Variants in SLC24A2 observed in about 807,000 individuals in gnomAD.
SLC24A2 encodes sodium/potassium/calcium exchanger 2.
In SLC24A2, 36 loss-of-function variants were observed where a neutral mutation model predicts 62.0. The observed-to-expected ratio is 0.58, with a 90% confidence interval of 0.44 to 0.77. The LOEUF (loss-of-function observed/expected upper bound fraction) is 0.77, where lower values mean the gene tolerates loss of function less well. Ranked by LOEUF, SLC24A2 falls within the 30% of genes least tolerant of loss-of-function variation. SLC24A2 has a pLI of 0.00. For missense variants in SLC24A2, 846 were observed against 817.9 expected, an observed-to-expected ratio of 1.03 and a Z score of -0.42; for synonymous variants, 358 against 294.0, an observed-to-expected ratio of 1.22 and a Z score of -2.23.
the SLC24A2 span, among the ~76,000 whole-genome samples, chr9:20,133,701 A>G: frequency 6.6e-6 from 1 of 152,170 alleles, no homozygotes; most frequent in South Asian, 2.1e-4. Context: ...AAGTTACTCA[A>G]CATCACTTAC....
chr9:19,610,796 G>A (rs894473935), intron 4 of SLC24A2, among the ~76,000 whole-genome samples: 3 of 152,230 alleles, frequency 2.0e-5, no homozygotes, highest in Admixed American at 6.5e-5. Context: ...CATGGATTAA[G>A]AAAATCTACA....
intron 2 of SLC24A2, among the ~76,000 whole-genome samples, chr9:19,645,498 G>C (rs980151195): frequency 3.3e-5 from 5 of 152,082 alleles, no homozygotes; most frequent in African/African-American, 1.2e-4. Context: ...ACATGGTGTG[G>C]TTTTTAAACA....
chr9:19,747,938 T>C (rs1015254355), intron 2 of SLC24A2, among the ~76,000 whole-genome samples: 2 of 152,128 alleles, frequency 1.3e-5, no homozygotes, highest in African/African-American at 2.4e-5. Flanking sequence ...CTGCCAGAGA[T>C]CACAAAGTTA....
At chr9:19,898,669 G>A in the SLC24A2 span, among the ~76,000 whole-genome samples, 2 of 149,762 alleles carry the variant, frequency 1.3e-5, no homozygotes, top group African/African-American at 2.5e-5. Context: ...GTGAACCCAG[G>A]AGGTGGAGCT....
chr9:20,284,539 T>G, the SLC24A2 span, among the ~76,000 whole-genome samples: 2 of 151,838 alleles, frequency 1.3e-5, no homozygotes, highest in African/African-American at 2.4e-5. Flanking sequence ...ACATTTTTTT[T>G]TGTGGTATAG....
At position 19,512,232 on chromosome 9, in the gene SLC24A2, G is replaced by C. The variant is rs1021487289; in HGVS notation, c.*3921C>G. The C allele has an allele frequency of 3.9e-5, 6 of 152,190 alleles. No homozygotes were observed. The highest frequency in any genetic ancestry group is 2.1e-4 in the South Asian group (1 of 4,832). The allele number at this position is 152,190 out of a possible 1,614,324, so 9.4% of individuals were successfully genotyped here. On this transcript the variant is annotated 3_prime_UTR_variant, in exon 11 of 11. Coordinates refer to ENST00000341998, the MANE Select transcript of SLC24A2 (RefSeq NM_020344.4). ...AATGTCTAATCAGCGAGGCAGCTGC[G>C]TTTTGCTGAAAGGGCTCCAAACCAC...
chr9:19,961,023 GGTGTGT>G, the SLC24A2 span, among the ~76,000 whole-genome samples: 15 of 141,618 alleles, frequency 1.1e-4, no homozygotes, highest in Non-Finnish European at 1.4e-4. Context: ...TAGAGGGGTG[GGTGTGT>G]GTGTGTGTGT....
chr9:20,014,517 T>TACATATATATACAC, the SLC24A2 span, among the ~76,000 whole-genome samples: 3 of 148,460 alleles, frequency 2.0e-5, no homozygotes, highest in African/African-American at 7.5e-5. Context: ...TATATATATA[T>TACATATATATACAC]ACACACACAC....
At chr9:19,587,008 C>T (rs1055296852) in intron 5 of SLC24A2, among the ~76,000 whole-genome samples, 1 of 152,174 alleles carries the variant, frequency 6.6e-6, no homozygotes, top group African/African-American at 2.4e-5. Flanking sequence ...AGGCAGGCCA[C>T]ATATCCTAAG....
At chr9:19,880,465 G>A in the SLC24A2 span, among the ~76,000 whole-genome samples, 1 of 152,174 alleles carries the variant, frequency 6.6e-6, no homozygotes, top group African/African-American at 2.4e-5. Flanking sequence ...AATATGTCAT[G>A]GCCACGGAAG....
intron 2 of SLC24A2, among the ~76,000 whole-genome samples, chr9:19,678,084 G>A (rs1228405293): frequency 1.3e-5 from 2 of 152,144 alleles, no homozygotes; most frequent in Non-Finnish European, 2.9e-5. Flanking sequence ...ACCCCTTTGA[G>A]TCTCTTTCCT....
At chr9:19,735,012 G>T (rs1242278446) in intron 2 of SLC24A2, among the ~76,000 whole-genome samples, 2 of 151,998 alleles carry the variant, frequency 1.3e-5, no homozygotes, top group African/African-American at 4.8e-5. Context: ...TGACAAATGG[G>T]ATCTAATTAA....
chr9:19,836,754 A>G, the SLC24A2 span, among the ~76,000 whole-genome samples: 1 of 152,194 alleles, frequency 6.6e-6, no homozygotes, highest in East Asian at 1.9e-4. Context: ...CTGATACCAA[A>G]GCCTGGCAGA....
At chr9:19,942,539 T>C in the SLC24A2 span, among the ~76,000 whole-genome samples, 5 of 152,122 alleles carry the variant, frequency 3.3e-5, no homozygotes, top group South Asian at 2.1e-4. Flanking sequence ...TGCAGAAGAA[T>C]ATGGGAATTT....
the SLC24A2 span, among the ~76,000 whole-genome samples, chr9:19,948,682 A>G: frequency 6.6e-6 from 1 of 151,380 alleles, no homozygotes; most frequent in African/African-American, 2.4e-5. Context: ...CGTCTCTACT[A>G]AAAATACAAA....
chr9:20,121,276 G>A, the SLC24A2 span, among the ~76,000 whole-genome samples: 1 of 151,510 alleles, frequency 6.6e-6, no homozygotes, highest in East Asian at 1.9e-4. Context: ...CATTTACCTA[G>A]GCCTTCTTTA....
chr9:20,285,778 A>G, the SLC24A2 span, among the ~76,000 whole-genome samples: 3 of 152,332 alleles, frequency 2.0e-5, no homozygotes, highest in Admixed American at 6.5e-5. Flanking sequence ...CTAATTCTAT[A>G]TGACTGGTGT....
At chr9:20,166,081 A>G in the SLC24A2 span, among the ~76,000 whole-genome samples, 1 of 151,988 alleles carries the variant, frequency 6.6e-6, no homozygotes, top group Middle Eastern at 3.2e-3. Context: ...TGACATAAAT[A>G]TAATTTATCA....
chr9:20,068,057 CTTTTTTTT>C, the SLC24A2 span, among the ~76,000 whole-genome samples: 4 of 89,742 alleles, frequency 4.5e-5, no homozygotes, highest in Non-Finnish European at 6.3e-5. Flanking sequence ...TTTTTTGACT[CTTTTTTTT>C]TTTTTTTTTT....
Sources: allele counts gnomAD v4.1 joint callset (sites outside exome capture counted in the v4.1 genomes callset), GRCh38; gene constraint gnomAD v4.1.1; transcripts MANE v1.5; gene names NCBI Gene and HGNC (gene_info 2026-07-23, HGNC 2026-07-21).